Variants in SPMIP2 observed in about 807,000 individuals in gnomAD.
The protein encoded by SPMIP2 is sperm microtubule inner protein 2, also known as protein SPMIP2.
chr4:158,967,244 T>C, the SPMIP2 span, among the ~76,000 whole-genome samples: 1 of 152,146 alleles, frequency 6.6e-6, no homozygotes, highest in Non-Finnish European at 1.5e-5. Flanking sequence ...CATCTGTATA[T>C]AAGGAGGTTA....
the SPMIP2 span, among the ~76,000 whole-genome samples, chr4:158,976,534 T>C: frequency 1.3e-5 from 2 of 152,136 alleles, no homozygotes; most frequent in African/African-American, 2.4e-5. Context: ...TCTGCATCTA[T>C]TGAGATAATC....
the SPMIP2 span, among the ~76,000 whole-genome samples, chr4:159,020,645 T>C: frequency 9.8e-5 from 15 of 152,304 alleles, no homozygotes; most frequent in East Asian, 2.7e-3. Context: ...TAACAGATGG[T>C]CCTTAATTTT....
chr4:159,052,635 A>G, the SPMIP2 span, among the ~76,000 whole-genome samples: 1 of 109,534 alleles, frequency 9.1e-6, no homozygotes, highest in Non-Finnish European at 2.0e-5. Flanking sequence ...TTATTATTTT[A>G]TTATTATTAT....
chr4:158,910,861 TC>T, the SPMIP2 span, among the ~76,000 whole-genome samples: 3 of 152,112 alleles, frequency 2.0e-5, no homozygotes, highest in Non-Finnish European at 4.4e-5. Context: ...TAAACACCCC[TC>T]CCTGGCTCTT....
At chr4:158,943,858 C>CTTTTTCT in the SPMIP2 span, among the ~76,000 whole-genome samples, 31 of 101,912 alleles carry the variant, frequency 3.0e-4, no homozygotes, top group East Asian at 6.4e-3. Flanking sequence ...TTGACATTTT[C>CTTTTTCT]TTTTTTTTTT....
At chr4:158,982,111 C>A in the SPMIP2 span, among the ~76,000 whole-genome samples, 1 of 152,054 alleles carries the variant, frequency 6.6e-6, no homozygotes, top group South Asian at 2.1e-4. Flanking sequence ...CAACAAAGAT[C>A]AAAAAAGACA....
At chr4:159,004,092 C>T in the SPMIP2 span, among the ~76,000 whole-genome samples, 1 of 151,994 alleles carries the variant, frequency 6.6e-6, no homozygotes, top group African/African-American at 2.4e-5. Context: ...TCCTGGATTA[C>T]TGCAACCTCT....
the SPMIP2 span, among the ~76,000 whole-genome samples, chr4:158,921,016 C>T: frequency 6.6e-6 from 1 of 152,240 alleles, no homozygotes; most frequent in East Asian, 1.9e-4. Context: ...TATACTCTTT[C>T]TCTTTATTTC....
the SPMIP2 span, among the ~76,000 whole-genome samples, chr4:158,928,809 C>T: frequency 0.016 from 2,373 of 152,120 alleles, 55 homozygotes; most frequent in African/African-American, 0.055. Context: ...AGCGAGACCA[C>T]GAGCCCACCG....
chr4:158,993,079 C>T, the SPMIP2 span, among the ~76,000 whole-genome samples: 10 of 151,946 alleles, frequency 6.6e-5, no homozygotes, highest in Non-Finnish European at 1.2e-4. Flanking sequence ...CTTCTGCCAA[C>T]ACTTGAAAAA....
the SPMIP2 span, among the ~76,000 whole-genome samples, chr4:158,938,033 A>G: frequency 3.9e-5 from 6 of 152,240 alleles, no homozygotes; most frequent in Non-Finnish European, 8.8e-5. Flanking sequence ...GAATTTATGA[A>G]ATGGGTCTGC....
the SPMIP2 span, among the ~76,000 whole-genome samples, chr4:159,047,072 C>T: frequency 2.0e-5 from 3 of 152,158 alleles, no homozygotes; most frequent in African/African-American, 7.2e-5. Context: ...CCTTTTAGAG[C>T]ACTCCACTTC....
At chr4:158,897,154 C>T in the SPMIP2 span, among the ~76,000 whole-genome samples, 15 of 152,230 alleles carry the variant, frequency 9.9e-5, no homozygotes, top group South Asian at 3.1e-3. Context: ...CATCCGTGTC[C>T]CTGCAGAGGA....
At chr4:159,059,070 C>G in the SPMIP2 span, among the ~76,000 whole-genome samples, 1 of 152,156 alleles carries the variant, frequency 6.6e-6, no homozygotes, top group Non-Finnish European at 1.5e-5. Flanking sequence ...CTAAAATGTA[C>G]AGCAGGAATG....
At chr4:159,082,660 A>G in the SPMIP2 span, among the ~76,000 whole-genome samples, 2 of 152,332 alleles carry the variant, frequency 1.3e-5, no homozygotes, top group African/African-American at 4.8e-5. Context: ...AAGATGCTCA[A>G]TTACTTTTTC....
At chr4:158,984,489 C>T in the SPMIP2 span, among the ~76,000 whole-genome samples, 4 of 150,980 alleles carry the variant, frequency 2.6e-5, no homozygotes, top group African/African-American at 4.9e-5. Flanking sequence ...CAGTGAAAAC[C>T]GCTCAACTAC....
the SPMIP2 span, among the ~76,000 whole-genome samples, chr4:159,062,293 G>C: frequency 6.6e-6 from 1 of 152,154 alleles, no homozygotes; most frequent in Non-Finnish European, 1.5e-5. Context: ...TAAGGTAATT[G>C]GCTTTAGTTT....
At chr4:158,916,180 C>T in the SPMIP2 span, among the ~76,000 whole-genome samples, 1 of 152,162 alleles carries the variant, frequency 6.6e-6, no homozygotes, top group African/African-American at 2.4e-5. Context: ...CAGTACAAGG[C>T]ACCGTGAGGA....
the SPMIP2 span, among the ~76,000 whole-genome samples, chr4:159,031,340 G>C: frequency 6.6e-6 from 1 of 152,160 alleles, no homozygotes; most frequent in Non-Finnish European, 1.5e-5. Flanking sequence ...TCAGTTTACA[G>C]AGAATAAAGG....
Sources: allele counts gnomAD v4.1 joint callset (sites outside exome capture counted in the v4.1 genomes callset), GRCh38; gene constraint gnomAD v4.1.1; transcripts MANE v1.5; gene names NCBI Gene and HGNC (gene_info 2026-07-23, HGNC 2026-07-21).